Variants in CSMD2 observed in about 807,000 individuals in gnomAD.
CSMD2 encodes CUB and sushi domain-containing protein 2.
In CSMD2, 130 loss-of-function variants were observed where a neutral mutation model predicts 398.5. The ratio of observed to expected loss-of-function variants is 0.33; its 90% CI spans 0.28 to 0.38. The LOEUF is 0.38. Ranked by LOEUF, CSMD2 falls within the 10% of genes least tolerant of loss-of-function variation. The probability of loss-of-function intolerance (pLI) is 1.00; values close to 1 mark genes in which losing one functional copy is unlikely to be tolerated. For missense variants in CSMD2, 3,829 were observed against 4,764.9 expected (o/e 0.80, Z 5.78); for synonymous variants, 1,828 against 1,908.5 (o/e 0.96, Z 1.10).
intron 25 of CSMD2, among the ~76,000 whole-genome samples, chr1:33,678,244 A>G (rs1301895265): frequency 6.6e-6 from 1 of 151,518 alleles, no homozygotes; most frequent in African/African-American, 2.4e-5. Flanking sequence ...CCAAAAGGAG[A>G]TGCTGGCACC....
At chr1:33,886,718 G>C (rs1641622773) in intron 5 of CSMD2, among the ~76,000 whole-genome samples, 1 of 152,204 alleles carries the variant, frequency 6.6e-6, no homozygotes, top group African/African-American at 2.4e-5. Flanking sequence ...CGCAGGAAAG[G>C]GTTTCCCCTT....
At chr1:33,705,939 A>ATTTTT in intron 22 of CSMD2, among the ~76,000 whole-genome samples, 1 of 151,890 alleles carries the variant, frequency 6.6e-6, no homozygotes. Context: ...TTATTTAAAA[A>ATTTTT]AAAAAAAAAC....
intron 5 of CSMD2, among the ~76,000 whole-genome samples, chr1:33,888,538 A>T (rs186867645): frequency 6.6e-6 from 1 of 152,338 alleles, no homozygotes; most frequent in African/African-American, 2.4e-5. Flanking sequence ...TTAATTCATT[A>T]TTCATTTATA....
chr1:33,787,325 C>A (rs148937981), intron 12 of CSMD2, among the ~76,000 whole-genome samples: 2 of 152,134 alleles, frequency 1.3e-5, no homozygotes, highest in African/African-American at 4.8e-5. Flanking sequence ...TACCCAGTTT[C>A]GAAACAGAGT....
chr1:33,954,001 C>G (rs1645085984), intron 3 of CSMD2, among the ~76,000 whole-genome samples: 1 of 152,084 alleles, frequency 6.6e-6, no homozygotes, highest in Non-Finnish European at 1.5e-5. Flanking sequence ...GTACCTCGAG[C>G]AAGTCCTTTC....
At chr1:33,846,828 C>A in intron 6 of CSMD2, 56 bp downstream of exon 6, 1 of 1,151,692 alleles carries the variant, frequency 8.7e-7, no homozygotes. Flanking sequence ...ATGAGCCCTC[C>A]AGGTGTCATC....
chr1:33,864,590 A>G, intron 5 of CSMD2: 1 of 1,614,076 alleles, frequency 6.2e-7, no homozygotes, highest in Non-Finnish European at 8.5e-7. Context: ...TGTGGTCAAC[A>G]GCGACAGACC....
chr1:33,673,075 G>A (rs375193194), intron 25 of CSMD2, among the ~76,000 whole-genome samples: 5 of 152,344 alleles, frequency 3.3e-5, no homozygotes, highest in Admixed American at 1.3e-4. Flanking sequence ...CCAAAGGAAC[G>A]CAGCTCCTCA....
intron 3 of CSMD2, among the ~76,000 whole-genome samples, chr1:33,961,148 G>A (rs1199549621): frequency 6.6e-6 from 1 of 152,252 alleles, no homozygotes; most frequent in East Asian, 1.9e-4. Flanking sequence ...ACAACTCATG[G>A]CTTGGCAGCC....
At chr1:33,795,587 C>T (rs1020339245) in intron 10 of CSMD2, among the ~76,000 whole-genome samples, 19 of 152,214 alleles carry the variant, frequency 1.2e-4, no homozygotes, top group Non-Finnish European at 2.6e-4. Flanking sequence ...CTGTCACTGC[C>T]CTAGAATATT....
chr1:34,090,560 G>T (rs1029013866), intron 1 of CSMD2, among the ~76,000 whole-genome samples: 1 of 150,674 alleles, frequency 6.6e-6, no homozygotes, highest in African/African-American at 2.4e-5. Context: ...CCAACTCAGT[G>T]AATGGAATCA....
At chr1:34,118,792 G>A (rs12031634) in intron 1 of CSMD2, among the ~76,000 whole-genome samples, 33,477 of 152,096 alleles carry the variant, frequency 0.22, 4,599 homozygotes, top group Admixed American at 0.35. Flanking sequence ...ACAAATAAAT[G>A]GAAAGACATT....
chr1:34,044,785 GGC>G (rs1466478298), intron 2 of CSMD2, among the ~76,000 whole-genome samples: 1 of 152,160 alleles, frequency 6.6e-6, no homozygotes, highest in Non-Finnish European at 1.5e-5. Flanking sequence ...TCTCATTTAA[GGC>G]TGTTAGCACA....
chr1:33,978,134 G>A (rs922115004), intron 3 of CSMD2, among the ~76,000 whole-genome samples: 2 of 152,120 alleles, frequency 1.3e-5, no homozygotes, highest in Non-Finnish European at 2.9e-5. Flanking sequence ...GAAGAAAAAG[G>A]TTAAGCAATT....
chr1:34,162,594 C>T (rs1042485916), intron 1 of CSMD2, among the ~76,000 whole-genome samples: 15 of 152,196 alleles, frequency 9.9e-5, no homozygotes, highest in South Asian at 2.1e-4. Context: ...CGCGGTGGCT[C>T]ACATCTGTAA....
intron 2 of CSMD2, among the ~76,000 whole-genome samples, chr1:34,063,923 C>G (rs1162820820): frequency 6.6e-6 from 1 of 152,254 alleles, no homozygotes; most frequent in Non-Finnish European, 1.5e-5. Flanking sequence ...TGCACACCAG[C>G]AGACTCAACA....
intron 3 of CSMD2, among the ~76,000 whole-genome samples, chr1:34,020,590 G>A (rs1249446148): frequency 2.0e-5 from 3 of 152,228 alleles, no homozygotes; most frequent in South Asian, 4.2e-4. Context: ...GGCAGGCCTG[G>A]AGAACTGTGC....
chr1:33,564,285 C>A (rs1658847494), intron 53 of CSMD2, among the ~76,000 whole-genome samples: 1 of 152,210 alleles, frequency 6.6e-6, no homozygotes, highest in African/African-American at 2.4e-5. Context: ...CACAGCAGAT[C>A]TGATGGTAGA....
intron 3 of CSMD2, among the ~76,000 whole-genome samples, chr1:33,937,980 T>A (rs1021302557): frequency 6.6e-6 from 1 of 152,260 alleles, no homozygotes; most frequent in Non-Finnish European, 1.5e-5. Flanking sequence ...TGTAGGGACA[T>A]ATGTGCATGT....
Sources: allele counts gnomAD v4.1 joint callset (sites outside exome capture counted in the v4.1 genomes callset), GRCh38; gene constraint gnomAD v4.1.1; transcripts MANE v1.5; gene names NCBI Gene and HGNC (gene_info 2026-07-23, HGNC 2026-07-21).